Variants in LEKR1 observed in about 807,000 individuals in gnomAD.
LEKR1 encodes protein LEKR1.
Under a neutral mutation model 72.4 loss-of-function variants are expected in LEKR1, and 59 were observed. The ratio of observed to expected loss-of-function variants is 0.82; its 90% CI spans 0.66 to 1.01. The LOEUF (loss-of-function observed/expected upper bound fraction) is 1.01. Ranked by LOEUF, LEKR1 falls within the 50% of genes least tolerant of loss-of-function variation. The pLI, the probability that LEKR1 is intolerant of heterozygous loss-of-function variation, is 0.00. For missense variants in LEKR1, 728 were observed against 759.2 expected (o/e 0.96, Z 0.48); for synonymous variants, 257 against 263.2 (o/e 0.98, Z 0.23).
At chr3:156,956,506 T>C (rs536140389) in intron 6 of LEKR1, among the ~76,000 whole-genome samples, 10 of 152,002 alleles carry the variant, frequency 6.6e-5, no homozygotes, top group Admixed American at 2.0e-4. Flanking sequence ...GTAAGCATCA[T>C]TAACAATGGG....
intron 6 of LEKR1, chr3:156,977,503 C>T: frequency 2.4e-6 from 1 of 412,264 alleles, no homozygotes; most frequent in Admixed American, 3.2e-5. Context: ...TCCCTTAGGT[C>T]ATAGTGCAGC....
intron 1 of LEKR1, among the ~76,000 whole-genome samples, 174 bp from the exon 2 acceptor site, chr3:156,829,112 T>C (rs1712029714): frequency 6.6e-6 from 1 of 152,210 alleles, no homozygotes; most frequent in African/African-American, 2.4e-5. Flanking sequence ...ATTGGCCCAA[T>C]AACTAACGGA....
chr3:156,860,870 G>A (rs1406841475), intron 3 of LEKR1, among the ~76,000 whole-genome samples: 2 of 152,136 alleles, frequency 1.3e-5, no homozygotes, highest in Non-Finnish European at 2.9e-5. Flanking sequence ...TAGGCTTTTA[G>A]CCTTATACTG....
intron 10 of LEKR1, among the ~76,000 whole-genome samples, chr3:157,023,486 A>C (rs1166862725): frequency 6.6e-6 from 1 of 152,196 alleles, no homozygotes; most frequent in Non-Finnish European, 1.5e-5. Flanking sequence ...TGAGGCACCC[A>C]GCAGTCAGTC....
rs1350394454 is a variant in LEKR1, at chr3:156,946,451, G to A, written c.745+3737G>A. 1.5e-4 allele frequency among the ~76,000 whole-genome samples: 23 copies of A among 151,312 alleles called. No homozygotes were observed. In the Admixed American group the frequency reaches 1.5e-3, roughly 10 times the overall value. On this transcript the variant is annotated intron_variant, in intron 6 of 12. Transcript: ENST00000356539. Reference sequence around the variant, plus strand: ...TTTTATTTCCTTATCTTGTCTGATTGCTCTAGCTAGGATTTTCAGCACTGT... The same window carrying A: ...TTTTATTTCCTTATCTTGTCTGATTACTCTAGCTAGGATTTTCAGCACTGT...
At chr3:156,967,495 C>A (rs777333619) in intron 6 of LEKR1, among the ~76,000 whole-genome samples, 1 of 151,996 alleles carries the variant, frequency 6.6e-6, no homozygotes, top group Non-Finnish European at 1.5e-5. Context: ...CCTCATTAGC[C>A]GATTTGATCA....
At chr3:157,020,011 AAT>A (rs1170539343) in intron 10 of LEKR1, among the ~76,000 whole-genome samples, 1 of 152,148 alleles carries the variant, frequency 6.6e-6, no homozygotes, top group African/African-American at 2.4e-5. Context: ...CAAAGCTAGT[AAT>A]AGTCAATCAT....
intron 3 of LEKR1, among the ~76,000 whole-genome samples, chr3:156,876,201 T>A (rs1370537104): frequency 1.3e-5 from 2 of 152,174 alleles, no homozygotes; most frequent in African/African-American, 4.8e-5. Context: ...TGCCTGTTTT[T>A]ATACCAGTAC....
chr3:156,944,374 C>G (rs1317330904), intron 6 of LEKR1, among the ~76,000 whole-genome samples: 1 of 151,626 alleles, frequency 6.6e-6, no homozygotes, highest in East Asian at 1.9e-4. Flanking sequence ...AATGAGGTGT[C>G]CTGCCTCAAG....
At chr3:156,834,543 T>C (rs537536289) in intron 2 of LEKR1, among the ~76,000 whole-genome samples, 17 of 152,326 alleles carry the variant, frequency 1.1e-4, no homozygotes, top group African/African-American at 3.8e-4. Context: ...AATGTTAATA[T>C]GTTAACTCTT....
chr3:156,915,592 T>A (rs1412185225), intron 3 of LEKR1, among the ~76,000 whole-genome samples: 1 of 152,154 alleles, frequency 6.6e-6, no homozygotes, highest in Non-Finnish European at 1.5e-5. Flanking sequence ...TTTTGCCCAC[T>A]TTTTAACGGG....
intron 6 of LEKR1, among the ~76,000 whole-genome samples, chr3:156,960,514 G>C (rs1341799522): frequency 2.6e-5 from 4 of 152,138 alleles, no homozygotes; most frequent in Non-Finnish European, 4.4e-5. Context: ...TCAAACTCCT[G>C]ACTTCAGGTG....
chr3:157,000,535 T>C (rs1731923809), intron 9 of LEKR1, among the ~76,000 whole-genome samples: 1 of 152,170 alleles, frequency 6.6e-6, no homozygotes, highest in Non-Finnish European at 1.5e-5. Flanking sequence ...ATTTTAATAA[T>C]AGCTATCTTC....
intron 2 of LEKR1, among the ~76,000 whole-genome samples, chr3:156,847,502 A>G (rs1319243974): frequency 2.6e-5 from 4 of 152,228 alleles, no homozygotes; most frequent in Non-Finnish European, 4.4e-5. Context: ...AGCACAAATT[A>G]TATTTCACAA....
intron 6 of LEKR1, among the ~76,000 whole-genome samples, chr3:156,956,668 A>G (rs536817804): frequency 6.6e-6 from 1 of 152,202 alleles, no homozygotes; most frequent in East Asian, 1.9e-4. Flanking sequence ...TAAAAATTGC[A>G]AAGAGTAACA....
intron 6 of LEKR1, among the ~76,000 whole-genome samples, chr3:156,966,537 C>T (rs1018507964): frequency 1.3e-5 from 2 of 152,202 alleles, no homozygotes; most frequent in Non-Finnish European, 2.9e-5. Context: ...ATTGCTAGCA[C>T]AGCAGTCTGA....
At chr3:156,869,230 A>G (rs1394066565) in intron 3 of LEKR1, among the ~76,000 whole-genome samples, 2 of 152,022 alleles carry the variant, frequency 1.3e-5, no homozygotes, top group Non-Finnish European at 2.9e-5. Context: ...TGGGATTGCT[A>G]GATTGTATGG....
intron 2 of LEKR1, among the ~76,000 whole-genome samples, chr3:156,848,430 C>T (rs1714898805): frequency 6.6e-6 from 1 of 152,018 alleles, no homozygotes; most frequent in Non-Finnish European, 1.5e-5. Flanking sequence ...CAAAACATAA[C>T]CCTTGGGCCA....
At chr3:156,964,305 G>A (rs1370623004) in intron 6 of LEKR1, among the ~76,000 whole-genome samples, 3 of 151,864 alleles carry the variant, frequency 2.0e-5, no homozygotes, top group Admixed American at 2.0e-4. Context: ...ATCCTTCCAT[G>A]TCAAAAATAT....
Sources: allele counts gnomAD v4.1 joint callset (sites outside exome capture counted in the v4.1 genomes callset), GRCh38; gene constraint gnomAD v4.1.1; transcripts MANE v1.5; gene names NCBI Gene and HGNC (gene_info 2026-07-23, HGNC 2026-07-21).